Variants in DGLUCY observed in about 807,000 individuals in gnomAD.
DGLUCY encodes D-glutamate cyclase, mitochondrial.
Under a neutral mutation model 58.5 loss-of-function variants are expected in DGLUCY, and 58 were observed. That is an observed-to-expected ratio of 0.99 (90% CI 0.80 to 1.23). The LOEUF is 1.23. DGLUCY is among the 50% of genes most tolerant of loss of function. The probability of loss-of-function intolerance (pLI) is 0.00; values close to 1 mark genes in which losing one functional copy is unlikely to be tolerated. For missense variants in DGLUCY, 779 were observed against 784.7 expected, an observed-to-expected ratio of 0.99 and a Z score of 0.09; for synonymous variants, 325 against 314.1, an observed-to-expected ratio of 1.03 and a Z score of -0.37.
intron 1 of DGLUCY, among the ~76,000 whole-genome samples, chr14:91,065,361 G>A (rs1396269659): frequency 6.6e-6 from 1 of 152,174 alleles, no homozygotes; most frequent in Non-Finnish European, 1.5e-5. Context: ...GAATGACCCT[G>A]GGGCCTAAGC....
intron 1 of DGLUCY, among the ~76,000 whole-genome samples, chr14:91,072,950 A>G (rs1337806606): frequency 6.6e-6 from 1 of 152,120 alleles, no homozygotes; most frequent in Non-Finnish European, 1.5e-5. Flanking sequence ...CAGAGCTTGC[A>G]GTGAGCCAAG....
intron 1 of DGLUCY, among the ~76,000 whole-genome samples, chr14:91,096,631 C>T (rs1296883697): frequency 3.3e-5 from 5 of 152,270 alleles, no homozygotes; most frequent in South Asian, 2.1e-4. Context: ...CTTAGAGTGT[C>T]GGGGTCCACT....
intron 1 of DGLUCY, among the ~76,000 whole-genome samples, chr14:91,102,043 C>T (rs1483439493): frequency 6.6e-6 from 1 of 151,670 alleles, no homozygotes; most frequent in East Asian, 1.9e-4. Flanking sequence ...ATGTTCCTGG[C>T]ATAAAGAAGA....
intron 1 of DGLUCY, among the ~76,000 whole-genome samples, chr14:91,088,617 T>C (rs976613119): frequency 3.3e-5 from 5 of 152,172 alleles, no homozygotes; most frequent in Admixed American, 2.6e-4. Context: ...AGGACAGAGA[T>C]AGGGGTTGTG....
At chr14:91,128,074 C>T (rs941692204) in intron 1 of DGLUCY, among the ~76,000 whole-genome samples, 2 of 152,002 alleles carry the variant, frequency 1.3e-5, no homozygotes, top group African/African-American at 4.8e-5. Context: ...CACCTTACAC[C>T]CACCTCAACA....
chr14:91,113,776 C>G (rs145912263), upstream of DGLUCY, among the ~76,000 whole-genome samples: 225 of 152,340 alleles, frequency 1.5e-3, no homozygotes, highest in African/African-American at 5.2e-3. Context: ...GTTTGTACAG[C>G]ACAGATGGCG....
intron 1 of DGLUCY, among the ~76,000 whole-genome samples, chr14:91,064,409 T>A (rs1010061311): frequency 6.6e-6 from 1 of 151,910 alleles, no homozygotes; most frequent in Non-Finnish European, 1.5e-5. Context: ...GATGGGCAGA[T>A]CGCTTGAATT....
At chr14:91,131,203 G>A (rs967058524) in intron 1 of DGLUCY, among the ~76,000 whole-genome samples, 3 of 152,116 alleles carry the variant, frequency 2.0e-5, no homozygotes, top group African/African-American at 7.2e-5. Context: ...TCCTGTCTTG[G>A]CCTTCCAAAA....
intron 1 of DGLUCY, among the ~76,000 whole-genome samples, chr14:91,121,461 G>T (rs943665830): frequency 6.6e-6 from 1 of 152,012 alleles, no homozygotes; most frequent in Non-Finnish European, 1.5e-5. Flanking sequence ...GGCCGAGGTG[G>T]GTGGATCACC....
chr14:91,061,583 G>A (rs2043685440), intron 1 of DGLUCY, among the ~76,000 whole-genome samples: 2 of 152,204 alleles, frequency 1.3e-5, no homozygotes, highest in Admixed American at 6.5e-5. Context: ...AGCTTTTAGG[G>A]CAAGGAGGCA....
At chr14:91,080,293 TG>T (rs2044101717) in intron 1 of DGLUCY, among the ~76,000 whole-genome samples, 1 of 152,244 alleles carries the variant, frequency 6.6e-6, no homozygotes, top group Admixed American at 6.5e-5. Flanking sequence ...TTTCAATTCT[TG>T]TGGGTATACA....
At chr14:91,112,033 T>C (rs1265785326), upstream of DGLUCY, among the ~76,000 whole-genome samples, 2 of 150,262 alleles carry the variant, frequency 1.3e-5, no homozygotes, top group African/African-American at 4.9e-5. Context: ...AGGTCGGGAG[T>C]TCGAGACCAG....
At chr14:91,212,090 A>C (rs1372838351) in intron 12 of DGLUCY, among the ~76,000 whole-genome samples, 1 of 152,252 alleles carries the variant, frequency 6.6e-6, no homozygotes, top group Non-Finnish European at 1.5e-5. Flanking sequence ...GGCATGAGCC[A>C]CCACATCTGG....
chr14:91,125,522 TCTTCTCTGTTGGCTTC>T (rs1325273899), intron 1 of DGLUCY: 1 of 152,286 alleles, frequency 6.6e-6, no homozygotes, highest in Admixed American at 6.5e-5. Flanking sequence ...CTCTCTGCTT[TCTTCTCTGTTGGCTTC>T]CTTCTCGAGC....
chr14:91,084,355 C>T (rs1239061480), intron 1 of DGLUCY, among the ~76,000 whole-genome samples: 5 of 152,024 alleles, frequency 3.3e-5, no homozygotes, highest in African/African-American at 1.2e-4. Flanking sequence ...AGGCACCCAC[C>T]ACCATGCTCG....
chr14:91,080,101 A>G (rs2044098696), intron 1 of DGLUCY, among the ~76,000 whole-genome samples: 1 of 152,202 alleles, frequency 6.6e-6, no homozygotes, highest in African/African-American at 2.4e-5. Flanking sequence ...CATGTTTTCA[A>G]GATTCATCCA....
intron 1 of DGLUCY, among the ~76,000 whole-genome samples, chr14:91,082,271 C>G (rs1201733929): frequency 6.6e-6 from 1 of 152,220 alleles, no homozygotes; most frequent in Non-Finnish European, 1.5e-5. Flanking sequence ...GTGAGCCACA[C>G]TCCCCCCTTC....
intron 12 of DGLUCY, among the ~76,000 whole-genome samples, 160 bp from the exon 13 acceptor site, chr14:91,215,245 T>C (rs1886329583): frequency 6.6e-6 from 1 of 152,238 alleles, no homozygotes; most frequent in Non-Finnish European, 1.5e-5. Flanking sequence ...CAGTAGTTCT[T>C]GGCTGGGGCC....
chr14:91,168,162 C>T (rs1051951555), intron 4 of DGLUCY, among the ~76,000 whole-genome samples: 5 of 151,866 alleles, frequency 3.3e-5, no homozygotes, highest in Admixed American at 1.3e-4. Context: ...CCCAGCTACT[C>T]GGGAGGCTGA....
Sources: gnomAD v4.1 joint callset for allele counts (sites outside exome capture counted in the v4.1 genomes callset) on GRCh38, gnomAD v4.1.1 for gene constraint, MANE v1.5 for transcripts, NCBI Gene and HGNC (gene_info 2026-07-23, HGNC 2026-07-21) for gene names.